Variants in DNASE1L3 observed in about 807,000 individuals in gnomAD.
The protein encoded by DNASE1L3 is deoxyribonuclease 1L3, also known as deoxyribonuclease gamma.
A neutral mutation model predicts 30.9 loss-of-function variants in DNASE1L3; 27 were observed. That is an observed-to-expected ratio of 0.87 (90% CI 0.64 to 1.20). DNASE1L3 has a LOEUF of 1.20. DNASE1L3 is among the 50% of genes most tolerant of loss of function. The pLI, the probability that DNASE1L3 is intolerant of heterozygous loss-of-function variation, is 0.00. For missense variants in DNASE1L3, 364 were observed against 378.2 expected, an observed-to-expected ratio of 0.96 and a Z score of 0.31; for synonymous variants, 135 against 138.0, an observed-to-expected ratio of 0.98 and a Z score of 0.15.
In DNASE1L3 at chr3:58,193,301, T is replaced by C. The variant is rs3732630; in HGVS notation, c.801+42A>G. ...ATCATGTTGCCCAAGCTAACTCATC[T>C]TTCCAGGACAATGGCATAGAAAGAC... On this transcript the variant is annotated intron_variant, in intron 7 of 7. Coordinates refer to ENST00000394549, the MANE Select transcript of DNASE1L3 (RefSeq NM_004944.4). 0.34 allele frequency: 544,599 copies of C among 1,603,380 alleles called. 96,822 individuals are homozygous for C. The highest frequency in any genetic ancestry group is 0.62 in the East Asian group (27,565 of 44,790).
Position 58,205,539 on chromosome 3 carries a change from C to T in DNASE1L3, c.252G>A (p.Thr84=), listed in dbSNP as rs2070117. The change falls in exon 3 of 8, where the codon ACG becomes ACA. Residue 84 remains threonine, a synonymous_variant. Coordinates refer to ENST00000394549, the MANE Select transcript of DNASE1L3 (RefSeq NM_004944.4). ...GCCGAGAGCTAATCACATAGTTGTACGTTATGCCTCTCCTTGAATTTCTAG... is the reference window on the plus strand; with the variant it reads ...GCCGAGAGCTAATCACATAGTTGTATGTTATGCCTCTCCTTGAATTTCTAG... ...KLNRNSRRGI[T]YNYVISSRLG... 0.23 allele frequency: 375,298 copies of T among 1,612,268 alleles called. 50,196 individuals carry two copies. Among genetic ancestry groups the T allele is most frequent in the East Asian group, 0.61 (27,453 of 44,856 alleles).
Position 58,193,371 on chromosome 3 carries a change from T to C in DNASE1L3, c.773A>G (p.Gln258Arg), listed in dbSNP as rs2097395307. The C allele has an allele frequency of 1.2e-6, 2 of 1,614,184 alleles. No homozygotes were observed. The highest frequency in any genetic ancestry group is 1.7e-6 in the Non-Finnish European group (2 of 1,180,026). Residue 258 changes from glutamine (Q) to arginine (R), a missense_variant, in exon 7 of 8, where the codon CAG (glutamine) becomes CGG (arginine). Physicochemically the swap from Gln to Arg is conservative, Grantham distance 43 (BLOSUM62 1). Transcript: ENST00000394549. ...CTCTTCAGTCAGCTTGTAAGCTTTCTGGAAGTCAAAAACACTGTTTGACTT... is the reference window on the plus strand; with the variant it reads ...CTCTTCAGTCAGCTTGTAAGCTTTCCGGAAGTCAAAAACACTGTTTGACTT... ...VPKSNSVFDF[Q>R]KAYKLTEEEA...
At chr3:58,204,463 G>A (rs2097402682) in intron 4 of DNASE1L3, among the ~76,000 whole-genome samples, 1 of 152,118 alleles carries the variant, frequency 6.6e-6, no homozygotes, top group South Asian at 2.1e-4. Flanking sequence ...AAGGAAGGAA[G>A]AGTTGTACTT....
chr3:58,198,356 G>A (rs1175418965), intron 5 of DNASE1L3, among the ~76,000 whole-genome samples: 1 of 152,090 alleles, frequency 6.6e-6, no homozygotes, highest in Non-Finnish European at 1.5e-5. Flanking sequence ...AAGGAGAGAG[G>A]CCCCCAAAAG....
At chr3:58,209,636 T>C (rs1008616561) in intron 1 of DNASE1L3, among the ~76,000 whole-genome samples, 1 of 152,228 alleles carries the variant, frequency 6.6e-6, no homozygotes, top group African/African-American at 2.4e-5. Context: ...CAGCAGCGGC[T>C]CTGGCTCATG....
Position 58,197,877 on chromosome 3 carries a change from C to T in DNASE1L3, c.648G>A (p.Leu216=), listed in dbSNP as rs1165284259. 6.2e-7 allele frequency: 1 copy of T among 1,614,214 alleles called. No individual in the cohort carries two copies. The highest frequency in any genetic ancestry group is 1.1e-5 in the South Asian group (1 of 91,080). The change falls in exon 6 of 8, where the codon CTG becomes CTA. Residue 216 remains leucine, a synonymous_variant. Transcript: ENST00000394549. This position sits in a 1 kb window ranked among gnomAD's most constrained non-coding sequence, Gnocchi z 5.3. ...RLRTDPRFVW[L]IGDQEDTTVK... ...CCGTGGTGTCCTCTTGGTCCCCGAT[C>T]AGCCAAACAAACCTGGGGTCAGTCC...
intron 1 of DNASE1L3, among the ~76,000 whole-genome samples, chr3:58,208,645 CAAT>C (rs1338819408): frequency 1.3e-5 from 2 of 151,962 alleles, no homozygotes; most frequent in African/African-American, 2.4e-5. Flanking sequence ...TGAATAATTA[CAAT>C]AATAATAATA....
At chr3:58,206,728 C>T (rs2097404199) in intron 2 of DNASE1L3, among the ~76,000 whole-genome samples, 1 of 152,120 alleles carries the variant, frequency 6.6e-6, no homozygotes, top group African/African-American at 2.4e-5. Flanking sequence ...ACAAACCTGT[C>T]CCCTCAGTCT....
Position 58,192,776 on chromosome 3 carries a change from C to G in DNASE1L3, c.829G>C (p.Val277Leu). The change falls in exon 8 of 8, where the codon GTT becomes CTT. Residue 277 changes from valine (V) to leucine (L), a missense_variant. Physicochemically the swap from Val to Leu is conservative, Grantham distance 32. Transcript: ENST00000394549. This position sits in a 1 kb window ranked among gnomAD's most constrained non-coding sequence, Gnocchi z 4.8. Reference sequence around the variant, plus strand: ...CTTGAAGACTGTAGTTTAAATTCAACTGGAAAGTGGTCGCTGACATCCAGG... The same window carrying G: ...CTTGAAGACTGTAGTTTAAATTCAAGTGGAAAGTGGTCGCTGACATCCAGG... Reference protein sequence around the residue: ...EALDVSDHFPVEFKLQSSRAF... With the variant: ...EALDVSDHFPLEFKLQSSRAF... 6.2e-7 allele frequency: 1 copy of G among 1,614,026 alleles called. No homozygotes were observed. Among genetic ancestry groups the G allele is most frequent in the East Asian group, 2.2e-5 (1 of 44,878 alleles).
intron 2 of DNASE1L3, among the ~76,000 whole-genome samples, chr3:58,207,434 T>C (rs1180876447): frequency 2.1e-5 from 2 of 94,226 alleles, no homozygotes; most frequent in African/African-American, 9.0e-5. Context: ...CACAGCTCTC[T>C]GATCACACCC....
At position 58,200,100 on chromosome 3, in the gene DNASE1L3, G is replaced by C. The variant is rs552889308; in HGVS notation, c.546+897C>G. ...AAGTGGTCTCTTCCAAAAGTGGAAA[G>C]AACTGAGCCTATAGGGATGGCAAAT... On this transcript the variant is annotated intron_variant, in intron 5 of 7. Coordinates refer to ENST00000394549, the MANE Select transcript of DNASE1L3 (RefSeq NM_004944.4). The surrounding 1 kb of genome is among the most constrained non-coding windows in gnomAD (Gnocchi z 4.2). Among the ~76,000 whole-genome samples the C allele has an allele frequency of 6.6e-6, 1 of 152,312 alleles. No homozygotes were observed. The highest frequency in any genetic ancestry group is 1.5e-5 in the Non-Finnish European group (1 of 68,016).
At chr3:58,209,494 T>C (rs950109453) in intron 1 of DNASE1L3, among the ~76,000 whole-genome samples, 6 of 152,212 alleles carry the variant, frequency 3.9e-5, no homozygotes, top group African/African-American at 1.2e-4. Flanking sequence ...ATTGCTATCC[T>C]GGCTAAACAA....
intron 6 of DNASE1L3, 109 bp from the exon 7 acceptor site, chr3:58,193,548 C>T (rs2097395448): frequency 2.2e-6 from 2 of 913,274 alleles, no homozygotes; most frequent in Non-Finnish European, 3.4e-6. Context: ...CTGGCCCTTT[C>T]ATGTGGCGCT....
intron 4 of DNASE1L3, 152 bp downstream of exon 4, chr3:58,204,617 C>G (rs1002493472): frequency 3.2e-6 from 2 of 632,396 alleles, no homozygotes; most frequent in African/African-American, 3.7e-5. Flanking sequence ...CTGGTGCCAT[C>G]ACACTGAACT....
At chr3:58,198,592 A>G (rs1466321439) in intron 5 of DNASE1L3, among the ~76,000 whole-genome samples, 2 of 152,218 alleles carry the variant, frequency 1.3e-5, no homozygotes, top group Admixed American at 6.5e-5. Context: ...GATGTTCTTA[A>G]CAGGAAGGAG....
intron 5 of DNASE1L3, 59 bp from the exon 6 acceptor site, chr3:58,198,037 C>T: frequency 6.5e-7 from 1 of 1,548,948 alleles, no homozygotes; most frequent in Non-Finnish European, 8.7e-7. Context: ...TGCTTTCACA[C>T]TGGACTCTAG....
At chr3:58,194,182 C>T (rs969041317) in intron 6 of DNASE1L3, among the ~76,000 whole-genome samples, 17 of 152,086 alleles carry the variant, frequency 1.1e-4, no homozygotes, top group African/African-American at 3.6e-4. Context: ...TTGTGGTCTA[C>T]GTGGTCCTGA....
intron 5 of DNASE1L3, among the ~76,000 whole-genome samples, chr3:58,198,462 T>C (rs1473274738): frequency 6.6e-6 from 1 of 152,246 alleles, no homozygotes; most frequent in Non-Finnish European, 1.5e-5. Flanking sequence ...GTCTTCAGTA[T>C]GGTACTTTGT....
Position 58,204,780 on chromosome 3 carries a change from G to T in DNASE1L3, c.422C>A (p.Ser141Tyr). 1 of 1,614,146 alleles carries T rather than the reference G, an allele frequency of 6.2e-7. No individual in the cohort carries two copies. The highest frequency in any genetic ancestry group is 8.5e-7 in the Non-Finnish European group (1 of 1,179,998). Residue 141 changes from serine (S) to tyrosine (Y), a missense_variant, in exon 4 of 8, where the codon TCT (serine) becomes TAT (tyrosine). Physicochemically the swap from Ser to Tyr is moderately radical, Grantham distance 144. Transcript: ENST00000394549. ...SREPFVVWFQ[S>Y]PHTAVKDFVI... ...TGTGTGGGTCTTACCAGTGTGGGGA[G>T]ATTGGAACCAGACCACAAAGGGCTC...
Sources: gnomAD v4.1 joint callset for allele counts (sites outside exome capture counted in the v4.1 genomes callset) on GRCh38, gnomAD v4.1.1 for gene constraint, Gnocchi (gnomAD v3.1) non-coding constraint, MANE v1.5 for transcripts, NCBI Gene and HGNC (gene_info 2026-07-23, HGNC 2026-07-21) for gene names.